NFIX: variants seen among roughly 807,000 people sequenced by gnomAD.
NFIX encodes nuclear factor I X, also known as nuclear factor 1 X-type.
NFIX carries 2 observed loss-of-function variants against 53.3 expected under a neutral mutation model. The observed-to-expected ratio is 0.04, with a 90% CI of 0.02 to 0.12. The LOEUF is 0.12. Among genes scored for constraint, NFIX ranks in the 10% least tolerant of loss-of-function variants. NFIX has a pLI of 1.00. For missense variants in NFIX, 310 were observed against 674.5 expected, an observed-to-expected ratio of 0.46 and a Z score of 5.99; for synonymous variants, 244 against 289.0, an observed-to-expected ratio of 0.84 and a Z score of 1.58.
chr19:13,086,878 GAGACAT>G (rs960869056), intron 8 of NFIX, among the ~76,000 whole-genome samples: 1 of 152,254 alleles, frequency 6.6e-6, no homozygotes, highest in African/African-American at 2.4e-5. Flanking sequence ...GCACTGGCTG[GAGACAT>G]CAAGGGGATG....
chr19:13,026,694 C>T (rs2013379299), intron 2 of NFIX, among the ~76,000 whole-genome samples: 1 of 152,138 alleles, frequency 6.6e-6, no homozygotes, highest in East Asian at 1.9e-4. Context: ...TTATGCCCAA[C>T]CAACTTGTAA....
At chr19:13,061,904 C>T (rs2016116001) in intron 2 of NFIX, among the ~76,000 whole-genome samples, 1 of 152,180 alleles carries the variant, frequency 6.6e-6, no homozygotes. Context: ...CTAACAGCAG[C>T]AAGTCTAGGA....
In NFIX at chr19:13,094,548, G is replaced by C; in HGVS notation, c.1495-87G>C. 3.6e-6 allele frequency: 5 copies of C among 1,402,218 alleles called. No homozygotes were observed. The allele number at this position is 1,402,218 out of a possible 1,614,324, so 86.9% of individuals were successfully genotyped here. ...CTGGCTCTTTGGGAGCTGGACCCTT[G>C]AGGGGCCAGGTCACTGGGCCAGGTA... On this transcript the variant is annotated intron_variant, in intron 10 of 10. Coordinates refer to ENST00000592199, the MANE Select transcript of NFIX (RefSeq NM_001365902.3). This position sits in a 1 kb window ranked among gnomAD's most constrained non-coding sequence, Gnocchi z 4.3.
In NFIX at chr19:13,040,544, C is replaced by T. The variant is rs568964770; in HGVS notation, c.559+14992C>T. 2.0e-5 allele frequency among the ~76,000 whole-genome samples: 3 copies of T among 152,310 alleles called. No individual in the cohort carries two copies. Among genetic ancestry groups the T allele is most frequent in the African/African-American group, 4.8e-5 (2 of 41,564 alleles). On this transcript the variant is annotated intron_variant, in intron 2 of 10. Transcript: ENST00000592199. The surrounding 1 kb of genome is among the most constrained non-coding windows in gnomAD (Gnocchi z 4.2). The stretch of plus-strand genomic sequence containing the variant: ...GCTTTTCCTCGCCTCCCTCCCTCTC[C>T]TCAGGAGCCCTGGCCTCCAGGCTCC...
intron 1 of NFIX, among the ~76,000 whole-genome samples, chr19:13,007,870 G>T (rs1270748616): frequency 6.6e-6 from 1 of 152,088 alleles, no homozygotes; most frequent in Admixed American, 6.5e-5. Context: ...CACTTTCGGT[G>T]GGGGGGTGCT....
intron 1 of NFIX, among the ~76,000 whole-genome samples, chr19:13,019,727 G>GT (rs201956443): frequency 0.027 from 3,323 of 123,756 alleles, 51 homozygotes; most frequent in Non-Finnish European, 0.033. Flanking sequence ...TTTTTTGTTT[G>GT]TTTGTTTTTT....
chr19:13,023,791 A>G (rs1368721526), intron 1 of NFIX, among the ~76,000 whole-genome samples: 2 of 149,898 alleles, frequency 1.3e-5, no homozygotes, highest in Non-Finnish European at 3.0e-5. Flanking sequence ...TTCAAAAAAA[A>G]TATTAATTTC....
rs57860606 is a variant in NFIX at position 13,075,068 on chromosome 19, T to TAAAAA, written c.819-450_819-446dup. 3.5e-3 allele frequency among the ~76,000 whole-genome samples: 255 copies of TAAAAA among 73,666 alleles called. 14 individuals are homozygous for TAAAAA. Among genetic ancestry groups the TAAAAA allele is most frequent in the African/African-American group, 0.012 (179 of 15,082 alleles). 48.3% of individuals were successfully genotyped at this position (73,666 alleles called of 152,430 possible). A position where few individuals can be genotyped will look rare whatever the true frequency, so the allele number is the denominator to read the frequency against. On this transcript the variant is annotated intron_variant, in intron 5 of 10. Coordinates refer to ENST00000592199, the MANE Select transcript of NFIX (RefSeq NM_001365902.3). ...CTGGGTGACAGAGCGAGACTCCATCTAAAAAAAAAAAAAAAAAAAAAGGAA... is the reference window on the plus strand; with the variant it reads ...CTGGGTGACAGAGCGAGACTCCATCTAAAAAAAAAAAAAAAAAAAAAAAAAAGGAA...
Position 13,001,038 on chromosome 19 carries a change from T to G in NFIX, c.27+5174T>G, listed in dbSNP as rs1333873857. ...GCTGGACCAGAGAGGTAGGGGAGGC[T>G]GGGCACTTTCTCCAACACGGTGCTG... is the stretch of plus-strand genomic sequence containing the variant. On this transcript the variant is annotated intron_variant, in intron 1 of 10. Transcript: ENST00000592199. The surrounding 1 kb of genome is among the most constrained non-coding windows in gnomAD (Gnocchi z 6.5). Among the ~76,000 whole-genome samples, 1 of 152,128 alleles carries G rather than the reference T, an allele frequency of 6.6e-6. No homozygotes were observed. Among genetic ancestry groups the G allele is most frequent in the Non-Finnish European group, 1.5e-5 (1 of 68,000 alleles).
intron 2 of NFIX, among the ~76,000 whole-genome samples, chr19:13,053,718 T>C (rs2015468875): frequency 6.6e-6 from 1 of 152,122 alleles, no homozygotes; most frequent in African/African-American, 2.4e-5. Context: ...CCCCCACCAG[T>C]TGAGGGAGGT....
Position 13,060,796 on chromosome 19 carries a change from G to C in NFIX, c.560-12251G>C, listed in dbSNP as rs2016027935. Among the ~76,000 whole-genome samples the C allele has an allele frequency of 6.6e-6, 1 of 152,082 alleles. No individual in the cohort carries two copies. The highest frequency in any genetic ancestry group is 2.4e-5 in the African/African-American group (1 of 41,410). ...CGGCCTCACCTCGGCTAACCTCCCAGCGGAACAAAGGGGCCTTTCTCCACG... is the reference window on the plus strand; with the variant it reads ...CGGCCTCACCTCGGCTAACCTCCCACCGGAACAAAGGGGCCTTTCTCCACG... On this transcript the variant is annotated intron_variant, in intron 2 of 10. Coordinates refer to ENST00000592199, the MANE Select transcript of NFIX (RefSeq NM_001365902.3). This position sits in a 1 kb window ranked among gnomAD's most constrained non-coding sequence, Gnocchi z 4.3.
In NFIX at chr19:13,066,647, G is replaced by T. The variant is rs1460575438; in HGVS notation, c.560-6400G>T. On this transcript the variant is annotated intron_variant, in intron 2 of 10. Coordinates refer to ENST00000592199, the MANE Select transcript of NFIX (RefSeq NM_001365902.3). The surrounding 1 kb of genome is among the most constrained non-coding windows in gnomAD (Gnocchi z 4.2). ...CTTGCGGGCTCTGCTTCTTGTTCAG[G>T]CTCCGGCTTTAAACCATGTGAGACT... 6.6e-6 allele frequency among the ~76,000 whole-genome samples: 1 copy of T among 152,178 alleles called. No individual in the cohort carries two copies. The highest frequency in any genetic ancestry group is 1.5e-5 in the Non-Finnish European group (1 of 68,034).
At chr19:13,044,280 G>T (rs1431250720) in intron 2 of NFIX, among the ~76,000 whole-genome samples, 3 of 152,182 alleles carry the variant, frequency 2.0e-5, no homozygotes, top group African/African-American at 7.2e-5. Flanking sequence ...GGCAGTGTGG[G>T]CCATCCAGTG....
intron 2 of NFIX, among the ~76,000 whole-genome samples, chr19:13,026,539 TC>T (rs2013365945): frequency 6.6e-6 from 1 of 152,208 alleles, no homozygotes; most frequent in South Asian, 2.1e-4. Flanking sequence ...TTTTATAATT[TC>T]TTTCCGCTTT....
At chr19:13,054,982 A>T (rs1057192953) in intron 2 of NFIX, among the ~76,000 whole-genome samples, 1 of 152,096 alleles carries the variant, frequency 6.6e-6, no homozygotes, top group Admixed American at 6.5e-5. Context: ...AGCTTTTTAC[A>T]AGCTGGCGGC....
At position 13,079,881 on chromosome 19, in the gene NFIX, C is replaced by T. The variant is rs567436642; in HGVS notation, c.1078+1146C>T. On this transcript the variant is annotated intron_variant, in intron 7 of 10. Coordinates refer to ENST00000592199, the MANE Select transcript of NFIX (RefSeq NM_001365902.3). Reference sequence around the variant, plus strand: ...GGGTTGGGAATTGCGTGTGCAAGGACGCGTATGTGAGGACACGTGTGTGAG... The same window carrying T: ...GGGTTGGGAATTGCGTGTGCAAGGATGCGTATGTGAGGACACGTGTGTGAG... 3.9e-5 allele frequency among the ~76,000 whole-genome samples: 6 copies of T among 152,314 alleles called. No homozygotes were observed. The South Asian group carries it at 1.0e-3, about 26-fold the overall frequency.
At chr19:13,017,634 A>G (rs2012738104) in intron 1 of NFIX, among the ~76,000 whole-genome samples, 1 of 152,044 alleles carries the variant, frequency 6.6e-6, no homozygotes, top group African/African-American at 2.4e-5. Flanking sequence ...GGGTTTTGTC[A>G]CCTTGCCCTG....
rs2015210614 is a variant in NFIX at position 13,049,717 on chromosome 19, C to G, written c.560-23330C>G. Among the ~76,000 whole-genome samples the G allele has an allele frequency of 6.6e-6, 1 of 151,926 alleles. No homozygotes were observed. Among genetic ancestry groups the G allele is most frequent in the South Asian group, 2.1e-4 (1 of 4,826 alleles). ...CAAGCGATTCTTCTGCCTCGGCCTC[C>G]TAAGTAGCTGGGACTACAGGCGCCC... On this transcript the variant is annotated intron_variant, in intron 2 of 10. Transcript: ENST00000592199. This position sits in a 1 kb window ranked among gnomAD's most constrained non-coding sequence, Gnocchi z 4.5.
At position 13,012,629 on chromosome 19, in the gene NFIX, T is replaced by G. The variant is rs1431334404; in HGVS notation, c.28-12392T>G. ...GGTTCAGGGCCGCCTGTGCCTCAGT[T>G]TCTCTCCTCCTGCGCCCATCCTGAC... is the stretch of plus-strand genomic sequence containing the variant. On this transcript the variant is annotated intron_variant, in intron 1 of 10. Transcript: ENST00000592199. The surrounding 1 kb of genome is among the most constrained non-coding windows in gnomAD (Gnocchi z 5.0). Among the ~76,000 whole-genome samples, 1 of 152,226 alleles carries G rather than the reference T, an allele frequency of 6.6e-6. No individual in the cohort carries two copies. The highest frequency in any genetic ancestry group is 2.4e-5 in the African/African-American group (1 of 41,462).
Sources: gnomAD v4.1 joint callset for allele counts (sites outside exome capture counted in the v4.1 genomes callset) on GRCh38, gnomAD v4.1.1 for gene constraint, Gnocchi (gnomAD v3.1) non-coding constraint, MANE v1.5 for transcripts, NCBI Gene and HGNC (gene_info 2026-07-23, HGNC 2026-07-21) for gene names.